Variants in TPCN2 observed in about 807,000 individuals in gnomAD.
TPCN2 encodes the protein two pore channel protein 2.
Under a neutral mutation model 111.4 loss-of-function variants are expected in TPCN2, and 92 were observed. That is an observed-to-expected ratio of 0.83 (90% CI 0.70 to 0.98). The LOEUF (loss-of-function observed/expected upper bound fraction) is 0.98. Ranked by LOEUF, TPCN2 falls within the 50% of genes least tolerant of loss-of-function variation. The pLI, the probability that TPCN2 is intolerant of heterozygous loss-of-function variation, is 0.00. For synonymous variants in TPCN2, 405 were observed against 414.5 expected, an observed-to-expected ratio of 0.98 and a Z score of 0.28; for missense variants, 995 against 980.1, an observed-to-expected ratio of 1.02 and a Z score of -0.20.
rs533399594 is a variant in TPCN2 at position 69,079,628 on chromosome 11, C to T, written c.1540-206C>T. The T allele has an allele frequency of 3.3e-3, 1,838 of 562,218 alleles. 60 individuals are homozygous for T. In the South Asian group the frequency reaches 0.042, roughly 13 times the overall value. The allele number at this position is 562,218 out of a possible 1,614,324, so 34.8% of individuals were successfully genotyped here. On this transcript the variant is annotated intron_variant, in intron 16 of 24. Transcript: ENST00000294309. ...TGCCACCCCAATCTGTGCAGTCCCC[C>T]GATTCCTGAGGCCAGGGTGTCTTTC...
At chr11:69,075,779 C>G (rs1855726037) in intron 13 of TPCN2, among the ~76,000 whole-genome samples, 1 of 152,136 alleles carries the variant, frequency 6.6e-6, no homozygotes, top group East Asian at 1.9e-4. Context: ...GAGAAGGTGC[C>G]CTGCCTGCTG....
At chr11:69,075,223 CCTT>C (rs1378045330) in intron 13 of TPCN2, among the ~76,000 whole-genome samples, 2 of 152,168 alleles carry the variant, frequency 1.3e-5, no homozygotes, top group Non-Finnish European at 2.9e-5. Flanking sequence ...TTTTCTGACT[CCTT>C]CTTTCCTCAA....
intron 13 of TPCN2, among the ~76,000 whole-genome samples, chr11:69,077,176 GTGTCCCTTCACCTGCCCTCCTGCCA>G (rs1855817427): frequency 6.9e-4 from 20 of 28,868 alleles, no homozygotes; most frequent in African/African-American, 1.7e-3. Context: ...CCCTCCTGCC[GTGTCCCTTCACCTGCCCTCCTGCCA>G]TGTCCCTCCA....
rs1213085562 is a variant in TPCN2, at chr11:69,081,421, G to C, written c.1611G>C (p.Leu537=). 1.3e-6 allele frequency: 2 copies of C among 1,559,092 alleles called. No homozygotes were observed. Among genetic ancestry groups the C allele is most frequent in the Non-Finnish European group, 1.7e-6 (2 of 1,152,342 alleles). The change falls in exon 18 of 25, where the codon CTG becomes CTC. Residue 537 remains leucine (L), a synonymous_variant. Coordinates refer to ENST00000294309, the MANE Select transcript of TPCN2 (RefSeq NM_139075.4). ...CCAGGAGGCCGGAGATGGTGGGCCTGCTGTCGCTGTGGGACATGACCCGCA... is the reference window on the plus strand; with the variant it reads ...CCAGGAGGCCGGAGATGGTGGGCCTCCTGTCGCTGTGGGACATGACCCGCA... The part of the protein sequence containing the change: ...HPGWRPEMVG[L]LSLWDMTRML...
rs567916825 is a variant in TPCN2 at position 69,071,430 on chromosome 11, C to T, written c.960+10C>T. ...CCGGGGCTACCTGATGGTGAGCGAG[C>T]TCCCCAATGCTGGCTGTGCCTGGAG... is the stretch of plus-strand genomic sequence containing the variant. On this transcript the variant is annotated intron_variant, in intron 10 of 24. Transcript: ENST00000294309. 5 of 1,611,324 alleles carry T rather than the reference C, an allele frequency of 3.1e-6. No individual in the cohort carries two copies. In the South Asian group the frequency reaches 5.5e-5, roughly 18 times the overall value.
chr11:69,075,104 G>A (rs188636051), intron 13 of TPCN2, among the ~76,000 whole-genome samples: 2 of 152,276 alleles, frequency 1.3e-5, no homozygotes, highest in African/African-American at 4.8e-5. Context: ...CCAGCCTGGT[G>A]GTCTCCCTGG....
At chr11:69,057,825 T>G in intron 5 of TPCN2, 131 bp downstream of exon 5, 1 of 741,422 alleles carries the variant, frequency 1.3e-6, no homozygotes, top group Admixed American at 2.1e-5. Context: ...ACTGCCCACC[T>G]CCCATGGCAC....
chr11:69,079,445 G>T lies in TPCN2; in HGVS notation c.1540-389G>T, dbSNP rs1029961896. On this transcript the variant is annotated intron_variant, in intron 16 of 24. Coordinates refer to ENST00000294309, the MANE Select transcript of TPCN2 (RefSeq NM_139075.4). Reference sequence around the variant, plus strand: ...CTTACACTTCCTTTCCCCAGACCCAGTGGGAGTGAGGGCATGCCACACTTG... The same window carrying T: ...CTTACACTTCCTTTCCCCAGACCCATTGGGAGTGAGGGCATGCCACACTTG... 3 of 284,982 alleles carry T rather than the reference G, an allele frequency of 1.1e-5. No homozygotes were observed. The South Asian group carries it at 2.0e-4, about 19-fold the overall frequency. 17.7% of individuals were successfully genotyped at this position (284,982 alleles called of 1,614,324 possible). A position where few individuals can be genotyped will look rare whatever the true frequency, so the allele number is the denominator to read the frequency against.
At chr11:69,060,292 C>CGT (rs1045558429) in intron 5 of TPCN2, among the ~76,000 whole-genome samples, 1 of 152,224 alleles carries the variant, frequency 6.6e-6, no homozygotes, top group African/African-American at 2.4e-5. Context: ...CTGAAATGTG[C>CGT]GTGTGTGTGT....
chr11:69,065,363 T>G (rs965687511), intron 7 of TPCN2, among the ~76,000 whole-genome samples: 1 of 152,228 alleles, frequency 6.6e-6, no homozygotes, highest in African/African-American at 2.4e-5. Flanking sequence ...GGTGTGGTCC[T>G]CGACCCCGGG....
intron 13 of TPCN2, among the ~76,000 whole-genome samples, chr11:69,077,227 T>C (rs374444371): frequency 3.7e-4 from 50 of 133,842 alleles, no homozygotes; most frequent in African/African-American, 1.4e-3. Flanking sequence ...CCTCCTGCCA[T>C]GTCCCTCCAC....
chr11:69,071,855 A>G lies in TPCN2; in HGVS notation c.961-68A>G. Reference sequence around the variant, plus strand: ...TCCCCCTCTGCCTGTTCCCCAGGGGAGGGAAGGGTCGGGGGTTCTGAGCTG... The same window carrying G: ...TCCCCCTCTGCCTGTTCCCCAGGGGGGGGAAGGGTCGGGGGTTCTGAGCTG... On this transcript the variant is annotated intron_variant, in intron 10 of 24. Coordinates refer to ENST00000294309, the MANE Select transcript of TPCN2 (RefSeq NM_139075.4). 5 of 1,425,732 alleles carry G rather than the reference A, an allele frequency of 3.5e-6. No individual in the cohort carries two copies. In the South Asian group the frequency reaches 6.0e-5, roughly 17 times the overall value. The allele number at this position is 1,425,732 out of a possible 1,614,324, so 88.3% of individuals were successfully genotyped here.
chr11:69,078,497 G>A lies in TPCN2; in HGVS notation c.1246G>A (p.Glu416Lys), dbSNP rs776272833. 8 of 1,613,978 alleles carry A rather than the reference G, an allele frequency of 5.0e-6. No homozygotes were observed. In the East Asian group the frequency reaches 8.9e-5, roughly 18 times the overall value. The change falls in exon 14 of 25, where the codon GAG becomes AAG. Residue 416 changes from glutamate (E) to lysine (K), a missense_variant. Glu to Lys is a moderately conservative substitution (Grantham distance 56, BLOSUM62 1). Transcript: ENST00000294309. ...SVVKEHPPRP[E>K]YQSPFLQSAQ... is the part of the protein sequence containing the mutation. ...CCTTGCCCAGCACCCGCCGAGGCCCGAGTACCAGTCTCCGTTTCTGCAGAG... is the reference window on the plus strand; with the variant it reads ...CCTTGCCCAGCACCCGCCGAGGCCCAAGTACCAGTCTCCGTTTCTGCAGAG...
intron 23 of TPCN2, 34 bp from the exon 24 acceptor site, chr11:69,087,078 C>A: frequency 6.3e-7 from 1 of 1,583,990 alleles, no homozygotes; most frequent in Non-Finnish European, 8.7e-7. Flanking sequence ...TCATTCGGGG[C>A]CCACACTCAC....
rs1213111815 is a variant in TPCN2 at position 69,072,954 on chromosome 11, G to A, written c.1183G>A (p.Glu395Lys). 2 of 1,614,026 alleles carry A rather than the reference G, an allele frequency of 1.2e-6. No homozygotes were observed. The change falls in exon 13 of 25, where the codon GAG becomes AAG. Residue 395 changes from glutamate to lysine, a missense_variant. Transcript: ENST00000294309. The part of the protein sequence containing the change: ...SYGSVLLSAE[E>K]FQKLFNELDR... ...TGGCAGTGTTCTGCTCTCAGCTGAG[G>A]AGTTTCAGAAGCTCTTCAACGAGCT...
intron 22 of TPCN2, 84 bp downstream of exon 22, chr11:69,086,014 G>T (rs1856258589): frequency 7.3e-7 from 1 of 1,362,362 alleles, no homozygotes; most frequent in East Asian, 2.5e-5. Context: ...ATCTGCACTG[G>T]ACGCCCGGAG....
intron 17 of TPCN2, 124 bp downstream of exon 17, chr11:69,080,007 T>C (rs1297459528): frequency 1.5e-5 from 13 of 850,108 alleles, no homozygotes; most frequent in East Asian, 2.6e-5. Context: ...GACCCCGTGA[T>C]GGTGGAATGG....
chr11:69,062,936 C>CAGA lies in TPCN2; in HGVS notation c.599_600insAGA (p.Ser200_Met201insAsp). On this transcript the variant is annotated inframe_insertion, in exon 6 of 25. Coordinates refer to ENST00000294309, the MANE Select transcript of TPCN2 (RefSeq NM_139075.4). ...CCCTTCTTCCTGCTGCAGAACTCCT[C>CAGA]TATGATGAAGAAGACCTTGAAATGC... 6.2e-7 allele frequency: 1 copy of CAGA among 1,614,044 alleles called. No individual in the cohort carries two copies. The highest frequency in any genetic ancestry group is 2.2e-5 in the East Asian group (1 of 44,852).
intron 7 of TPCN2, among the ~76,000 whole-genome samples, chr11:69,064,333 A>C (rs1855167130): frequency 1.8e-5 from 2 of 111,758 alleles, no homozygotes; most frequent in Non-Finnish European, 1.7e-5. Context: ...CAGGCTATTC[A>C]CTGAGGGTGG....
Sources: allele counts gnomAD v4.1 joint callset (sites outside exome capture counted in the v4.1 genomes callset), GRCh38; gene constraint gnomAD v4.1.1; transcripts MANE v1.5; gene names NCBI Gene and HGNC (gene_info 2026-07-23, HGNC 2026-07-21).